The following VPS11 variants were observed in gnomAD, a reference collection of about 807,000 sequenced individuals.
VPS11 encodes VPS11 core subunit of CORVET and HOPS complexes.
In VPS11, 51 loss-of-function variants were observed where a neutral mutation model predicts 106.8. The observed-to-expected ratio is 0.48, with a 90% CI of 0.38 to 0.60. The LOEUF (loss-of-function observed/expected upper bound fraction) is 0.60. Ranked by LOEUF, VPS11 falls within the 20% of genes least tolerant of loss-of-function variation. VPS11 has a pLI of 0.00. For synonymous variants in VPS11, 453 were observed against 458.7 expected (o/e 0.99, Z 0.16); for missense variants, 950 against 1,190.0 (o/e 0.80, Z 2.97).
At chr11:119,074,354 G>A (rs142906550) in intron 7 of VPS11, among the ~76,000 whole-genome samples, 173 of 151,970 alleles carry the variant, frequency 1.1e-3, no homozygotes, top group Middle Eastern at 6.9e-3. Context: ...CCAAAGTGCT[G>A]GGATTACAGG....
In VPS11 at chr11:119,081,534, C is replaced by T. The variant is rs782494436; in HGVS notation, c.2737C>T (p.Leu913=). 1 of 1,614,014 alleles carries T rather than the reference C, an allele frequency of 6.2e-7. No individual in the cohort carries two copies. Among genetic ancestry groups the T allele is most frequent in the East Asian group, 2.2e-5 (1 of 44,874 alleles). The change falls in exon 16 of 16, where the codon CTG becomes TTG. Residue 913 remains leucine (L), a synonymous_variant. Transcript: ENST00000621676. ...GRGVFNKLTL[L]TDPPTARLTS... ...AGGTGTTTTCAACAAATTGACTCTGCTGACCGACCCTCCCACAGCCAGACT... is the reference window on the plus strand; with the variant it reads ...AGGTGTTTTCAACAAATTGACTCTGTTGACCGACCCTCCCACAGCCAGACT...
rs908487535 is a variant in VPS11 at position 119,077,577 on chromosome 11, A to G, written c.1502A>G (p.His501Arg). 2.5e-6 allele frequency: 4 copies of G among 1,613,986 alleles called. No individual in the cohort carries two copies. Among genetic ancestry groups the G allele is most frequent in the African/African-American group, 1.3e-5 (1 of 75,066 alleles). Residue 501 changes from histidine to arginine, a missense_variant, in exon 9 of 16, where the codon CAT becomes CGT. Physicochemically the swap from His to Arg is conservative, Grantham distance 29. This residue lies in a region of VPS11 where 435 missense variants were observed against 630.2 expected (regional missense o/e 0.69). Transcript: ENST00000621676. ...CTCCGGCAGGCTGGCTACTACTCCC[A>G]TGCCCTGTATCTGGCGGAGAACCAT... Reference protein sequence around the residue: ...KVLRQAGYYSHALYLAENHAH... With the variant: ...KVLRQAGYYSRALYLAENHAH...
At chr11:119,069,859 G>A (rs1321992293) in intron 3 of VPS11, among the ~76,000 whole-genome samples, 1 of 152,094 alleles carries the variant, frequency 6.6e-6, no homozygotes, top group African/African-American at 2.4e-5. Context: ...TTAGTTGGGT[G>A]TAGTGGCACA....
At chr11:119,073,712 T>G in intron 6 of VPS11, 88 bp from the exon 7 acceptor site, 5 of 1,439,122 alleles carry the variant, frequency 3.5e-6, no homozygotes, top group Non-Finnish European at 4.8e-6. Context: ...AATCCAGGAC[T>G]TTCTGTTTTG....
chr11:119,079,319 T>C lies in VPS11; in HGVS notation c.2438+19T>C, dbSNP rs782295846. 7.6e-6 allele frequency: 12 copies of C among 1,569,072 alleles called. No homozygotes were observed. The highest frequency in any genetic ancestry group is 1.0e-5 in the Non-Finnish European group (12 of 1,158,276). ...AGGCCAGGTACCCGGGGCATGGATA[T>C]GTGGAGGAGTCCAGGGGATAACTTG... On this transcript the variant is annotated intron_variant, in intron 14 of 15. Transcript: ENST00000621676.
intron 7 of VPS11, among the ~76,000 whole-genome samples, chr11:119,074,361 C>T (rs782366027): frequency 9.9e-5 from 15 of 152,180 alleles, no homozygotes; most frequent in Non-Finnish European, 1.8e-4. Flanking sequence ...GCTGGGATTA[C>T]AGGCATGAGC....
chr11:119,080,296 G>T (rs373354420), intron 14 of VPS11, among the ~76,000 whole-genome samples: 1 of 152,102 alleles, frequency 6.6e-6, no homozygotes, highest in African/African-American at 2.4e-5. Flanking sequence ...GACTTCAGGG[G>T]ATCTGCCTGC....
At chr11:119,068,996 A>ACCCCCCCCC (rs57666763) in intron 1 of VPS11, among the ~76,000 whole-genome samples, 200 bp from the exon 2 acceptor site, 1 of 11,596 alleles carries the variant, frequency 8.6e-5, no homozygotes, top group Non-Finnish European at 1.7e-4. Flanking sequence ...GGTGATCCGC[A>ACCCCCCCCC]CCCCCCCCCC....
chr11:119,077,459 C>T (rs782429725), intron 8 of VPS11, 42 bp from the exon 9 acceptor site: 1 of 1,599,414 alleles, frequency 6.3e-7, no homozygotes, highest in Non-Finnish European at 8.5e-7. Context: ...CCTTCTCTAT[C>T]TCCCTCTGTG....
At chr11:119,072,674 G>GC (rs1408502952) in intron 5 of VPS11, 4 of 158,996 alleles carry the variant, frequency 2.5e-5, no homozygotes, top group Non-Finnish European at 5.5e-5. Context: ...ACAGGCGTGA[G>GC]CCACTGCGCC....
At chr11:119,079,749 G>C (rs1945778020) in intron 14 of VPS11, among the ~76,000 whole-genome samples, 1 of 151,810 alleles carries the variant, frequency 6.6e-6, no homozygotes, top group Non-Finnish European at 1.5e-5. Flanking sequence ...CTAATTTTTG[G>C]ATTTTTAGTA....
intron 5 of VPS11, 68 bp from the exon 6 acceptor site, chr11:119,073,130 T>C: frequency 7.2e-6 from 11 of 1,536,516 alleles, no homozygotes; most frequent in Non-Finnish European, 9.7e-6. Context: ...AAAGTTATCA[T>C]GGGAAAGGAA....
rs782199291 is a variant in VPS11, at chr11:119,073,291, C to G, written c.978C>G (p.Val326=). ...ACAAGTTCATAGCCTATAGCACCGT[C>G]TTTGAGGATGTAGTGGATGTGCTTG... ...LCNKFIAYST[V]FEDVVDVLAE... Residue 326 remains valine, a synonymous_variant, in exon 6 of 16, where the codon GTC becomes GTG. Transcript: ENST00000621676. 1 of 1,614,052 alleles carries G rather than the reference C, an allele frequency of 6.2e-7. No individual in the cohort carries two copies. The highest frequency in any genetic ancestry group is 1.7e-5 in the Admixed American group (1 of 60,030).
intron 1 of VPS11, 148 bp downstream of exon 1, chr11:119,068,158 G>A: frequency 5.3e-6 from 5 of 941,380 alleles, no homozygotes. Flanking sequence ...CGGGAAGAAA[G>A]AAGGAAGTCC....
intron 6 of VPS11, 107 bp from the exon 7 acceptor site, chr11:119,073,693 C>A: frequency 7.9e-7 from 1 of 1,266,464 alleles, no homozygotes; most frequent in Non-Finnish European, 1.1e-6. Context: ...AGGATCTAGG[C>A]AGATCAGAAA....
intron 7 of VPS11, 167 bp from the exon 8 acceptor site, chr11:119,076,730 A>G (rs966442605): frequency 7.8e-6 from 6 of 773,654 alleles, no homozygotes; most frequent in African/African-American, 3.5e-5. Context: ...ACAGTCTAGT[A>G]GCACCGATAT....
intron 1 of VPS11, among the ~76,000 whole-genome samples, 193 bp from the exon 2 acceptor site, chr11:119,068,996 ACCCCCCC>A (rs57666763): frequency 1.7e-4 from 2 of 11,598 alleles, no homozygotes; most frequent in African/African-American, 2.7e-4. Flanking sequence ...GGTGATCCGC[ACCCCCCC>A]CCCCCCCCGG....
chr11:119,070,556 G>A (rs898164088), intron 4 of VPS11, 159 bp downstream of exon 4: 10 of 848,074 alleles, frequency 1.2e-5, no homozygotes, highest in African/African-American at 1.7e-5. Flanking sequence ...TTTTGCCTAG[G>A]AAGCTGGAAA....
intron 14 of VPS11, among the ~76,000 whole-genome samples, chr11:119,079,512 ACT>A (rs1945770343): frequency 6.6e-6 from 1 of 152,182 alleles, no homozygotes; most frequent in African/African-American, 2.4e-5. Context: ...TGTAGCAGGT[ACT>A]TTTTGTTCTT....
Sources: allele counts gnomAD v4.1 joint callset (sites outside exome capture counted in the v4.1 genomes callset), GRCh38; gene constraint gnomAD v4.1.1; regional missense constraint gnomAD v4.1.1; transcripts MANE v1.5; gene names NCBI Gene and HGNC (gene_info 2026-07-23, HGNC 2026-07-21).